The following ZFPM2 variants were observed in gnomAD, a reference collection of about 807,000 sequenced individuals.
ZFPM2 encodes the protein zinc finger protein ZFPM2.
A neutral mutation model predicts 98.6 loss-of-function variants in ZFPM2; 20 were observed. That is an observed-to-expected ratio of 0.20 (90% CI 0.14 to 0.29). The LOEUF (loss-of-function observed/expected upper bound fraction) is 0.29, where lower values mean the gene tolerates loss of function less well. Among genes scored for constraint, ZFPM2 ranks in the 10% least tolerant of loss-of-function variants. The pLI is 1.00. For missense variants in ZFPM2, 1,310 were observed against 1,388.6 expected (o/e 0.94, Z 0.90); for synonymous variants, 518 against 502.7 (o/e 1.03, Z -0.41).
chr8:105,517,143 G>A (rs1245678779), intron 3 of ZFPM2, among the ~76,000 whole-genome samples: 5 of 152,182 alleles, frequency 3.3e-5, no homozygotes, highest in Non-Finnish European at 7.3e-5. Context: ...GAGGACTTAA[G>A]CTTGTTCCGA....
At position 105,788,632 on chromosome 8, in the gene ZFPM2, A is replaced by G. The variant is rs1472423378; in HGVS notation, c.533-86A>G. 20 of 1,302,688 alleles carry G rather than the reference A, an allele frequency of 1.5e-5. No individual in the cohort carries two copies. In the East Asian group the frequency reaches 4.4e-4, roughly 29 times the overall value. The allele number at this position is 1,302,688 out of a possible 1,614,324, so 80.7% of individuals were successfully genotyped here. A position where few individuals can be genotyped will look rare whatever the true frequency, so the allele number is the denominator to read the frequency against. On this transcript the variant is annotated intron_variant, in intron 5 of 7. Coordinates refer to ENST00000407775, the MANE Select transcript of ZFPM2 (RefSeq NM_012082.4). Reference sequence around the variant, plus strand: ...AGTAGAAACCAGTGTGAAAAACATGAGAAGGTGCTATGGACATCAATCTAG... The same window carrying G: ...AGTAGAAACCAGTGTGAAAAACATGGGAAGGTGCTATGGACATCAATCTAG...
At chr8:105,716,192 A>T (rs1586216209) in intron 5 of ZFPM2, among the ~76,000 whole-genome samples, 1 of 149,792 alleles carries the variant, frequency 6.7e-6, no homozygotes, top group Non-Finnish European at 1.5e-5. Context: ...AATAAAATTT[A>T]TATGTAAATA....
chr8:105,730,643 A>C (rs1055922301), intron 5 of ZFPM2, among the ~76,000 whole-genome samples: 5 of 151,690 alleles, frequency 3.3e-5, no homozygotes, highest in Non-Finnish European at 7.4e-5. Context: ...TCTTCTGGAC[A>C]TTATTTTAAT....
intron 5 of ZFPM2, among the ~76,000 whole-genome samples, chr8:105,709,563 G>A (rs1586211905): frequency 6.6e-6 from 1 of 152,044 alleles, no homozygotes; most frequent in Non-Finnish European, 1.5e-5. Context: ...ACTACTTACA[G>A]TACTTAAAAG....
At chr8:105,327,752 A>G (rs1812140476) in intron 1 of ZFPM2, among the ~76,000 whole-genome samples, 1 of 151,852 alleles carries the variant, frequency 6.6e-6, no homozygotes, top group Non-Finnish European at 1.5e-5. Context: ...CTGATTATTT[A>G]TAATTCACTG....
intron 2 of ZFPM2, among the ~76,000 whole-genome samples, chr8:105,423,772 C>T (rs529817957): frequency 1.3e-5 from 2 of 152,106 alleles, no homozygotes; most frequent in African/African-American, 2.4e-5. Flanking sequence ...GTAGTTATGT[C>T]ACTACTGGCA....
chr8:105,660,611 C>T (rs1354181022), intron 5 of ZFPM2, among the ~76,000 whole-genome samples: 1 of 152,150 alleles, frequency 6.6e-6, no homozygotes, highest in Non-Finnish European at 1.5e-5. Context: ...ATATCTATCT[C>T]TATATACACA....
chr8:105,454,060 T>C (rs2130265784), intron 3 of ZFPM2, among the ~76,000 whole-genome samples: 1 of 152,238 alleles, frequency 6.6e-6, no homozygotes, highest in African/African-American at 2.4e-5. Flanking sequence ...TCCCTACTTA[T>C]CTCAAAAAAT....
chr8:105,742,249 A>G (rs537679710), intron 5 of ZFPM2, among the ~76,000 whole-genome samples: 4 of 151,912 alleles, frequency 2.6e-5, no homozygotes, highest in East Asian at 2.0e-4. Context: ...ATGGTGGCGC[A>G]TGCTTATAGT....
chr8:105,727,899 T>C (rs960729629), intron 5 of ZFPM2, among the ~76,000 whole-genome samples: 13 of 150,818 alleles, frequency 8.6e-5, no homozygotes, highest in African/African-American at 2.9e-4. Flanking sequence ...GGAAGGAGGC[T>C]ATTCCAGATA....
chr8:105,584,867 A>G (rs184153630), intron 4 of ZFPM2, among the ~76,000 whole-genome samples: 1 of 152,262 alleles, frequency 6.6e-6, no homozygotes, highest in African/African-American at 2.4e-5. Context: ...TTGTAACTCT[A>G]TGTTTCTGTC....
intron 1 of ZFPM2, among the ~76,000 whole-genome samples, chr8:105,354,167 A>G (rs1812698295): frequency 6.6e-6 from 1 of 152,228 alleles, no homozygotes; most frequent in South Asian, 2.1e-4. Flanking sequence ...ATCTATACAA[A>G]CCAGTGAAAT....
intron 4 of ZFPM2, among the ~76,000 whole-genome samples, chr8:105,583,975 CA>C (rs1349676040): frequency 2.6e-5 from 4 of 152,044 alleles, no homozygotes; most frequent in Admixed American, 2.0e-4. Context: ...GATAAGATGG[CA>C]GGTTAATCAC....
intron 1 of ZFPM2, among the ~76,000 whole-genome samples, chr8:105,410,972 G>C (rs1438872969): frequency 1.3e-5 from 2 of 151,710 alleles, no homozygotes; most frequent in Non-Finnish European, 2.9e-5. Context: ...CTTCTAGCAG[G>C]GTGAGAGTAC....
intron 4 of ZFPM2, among the ~76,000 whole-genome samples, chr8:105,582,181 C>T (rs2130744853): frequency 6.6e-6 from 1 of 152,262 alleles, no homozygotes; most frequent in African/African-American, 2.4e-5. Flanking sequence ...GACCAATCCA[C>T]CCGGATATAT....
chr8:105,343,620 C>T (rs1432950366), intron 1 of ZFPM2, among the ~76,000 whole-genome samples: 3 of 152,088 alleles, frequency 2.0e-5, no homozygotes, highest in African/African-American at 7.2e-5. Context: ...ATAGCTAGAG[C>T]TGTTCAAAAT....
intron 5 of ZFPM2, among the ~76,000 whole-genome samples, chr8:105,739,080 G>T (rs1812155193): frequency 6.6e-6 from 1 of 151,978 alleles, no homozygotes; most frequent in South Asian, 2.1e-4. Flanking sequence ...TAAGCAAAAA[G>T]AAATAAATAA....
chr8:105,407,178 T>C (rs1346130992), intron 1 of ZFPM2, among the ~76,000 whole-genome samples: 1 of 151,012 alleles, frequency 6.6e-6, no homozygotes, highest in Non-Finnish European at 1.5e-5. Context: ...ATGAGTAAAA[T>C]ATTTTAAGTG....
At chr8:105,793,807 A>G (rs1170728318) in intron 6 of ZFPM2, among the ~76,000 whole-genome samples, 1 of 137,802 alleles carries the variant, frequency 7.3e-6, no homozygotes, top group African/African-American at 3.2e-5. Context: ...TTTTCTCTAA[A>G]CTTCCCTTCT....
Sources: allele counts gnomAD v4.1 joint callset (sites outside exome capture counted in the v4.1 genomes callset), GRCh38; gene constraint gnomAD v4.1.1; transcripts MANE v1.5; gene names NCBI Gene and HGNC (gene_info 2026-07-23, HGNC 2026-07-21).